The following ASPH variants were observed in gnomAD, a reference collection of about 807,000 sequenced individuals.
ASPH encodes the protein aspartate beta-hydroxylase.
ASPH carries 100 observed loss-of-function variants against 118.4 expected under a neutral mutation model. That is an observed-to-expected ratio of 0.84 (90% CI 0.72 to 1.00). The LOEUF is 1.00. Among genes scored for constraint, ASPH ranks in the 50% least tolerant of loss-of-function variants. The pLI, the probability that ASPH is intolerant of heterozygous loss-of-function variation, is 0.00. For synonymous variants in ASPH, 315 were observed against 325.6 expected, an observed-to-expected ratio of 0.97 and a Z score of 0.35; for missense variants, 920 against 919.5, an observed-to-expected ratio of 1.00 and a Z score of -0.01.
intron 14 of ASPH, among the ~76,000 whole-genome samples, chr8:61,604,689 GGTT>G (rs751688841): frequency 6.6e-6 from 1 of 152,112 alleles, no homozygotes; most frequent in African/African-American, 2.4e-5. Flanking sequence ...CACATGTTTT[GGTT>G]GTTAACAGAT....
intron 14 of ASPH, among the ~76,000 whole-genome samples, chr8:61,595,798 C>A (rs1461638780): frequency 6.6e-6 from 1 of 152,020 alleles, no homozygotes; most frequent in Non-Finnish European, 1.5e-5. Flanking sequence ...CTGGCACCTG[C>A]CATTCAGGGG....
chr8:61,526,892 G>C (rs1226218024), intron 21 of ASPH, among the ~76,000 whole-genome samples: 2 of 152,170 alleles, frequency 1.3e-5, no homozygotes, highest in Non-Finnish European at 2.9e-5. Flanking sequence ...GTGAGGATCT[G>C]AGCAGCAAAC....
chr8:61,535,782 C>T lies in ASPH; in HGVS notation c.1765-9670G>A, dbSNP rs75979325. On this transcript the variant is annotated intron_variant, in intron 21 of 24. Transcript: ENST00000379454. ...TGCCTATACTCTAAACATGATAAGA[C>T]GAGTAGCAGTGTAATCTGCCTTAGA... Among the ~76,000 whole-genome samples, 522 of 152,232 alleles carry T rather than the reference C, an allele frequency of 3.4e-3. 2 individuals carry two copies. The highest frequency in any genetic ancestry group is 6.9e-3 in the Admixed American group (105 of 15,292).
chr8:61,625,385 G>A, intron 13 of ASPH: 1 of 985,614 alleles, frequency 1.0e-6, no homozygotes, highest in Non-Finnish European at 1.2e-6. Context: ...CTCTAGTGCT[G>A]GAGGGGAATT....
intron 14 of ASPH, among the ~76,000 whole-genome samples, chr8:61,593,241 C>T (rs1191345559): frequency 4.6e-5 from 7 of 152,120 alleles, no homozygotes; most frequent in Non-Finnish European, 8.8e-5. Flanking sequence ...GAAAGAAAAG[C>T]TAATGTGTTT....
chr8:61,620,064 G>A (rs1850381738), intron 13 of ASPH, among the ~76,000 whole-genome samples: 1 of 152,206 alleles, frequency 6.6e-6, no homozygotes, highest in Non-Finnish European at 1.5e-5. Flanking sequence ...AATTTGGGGA[G>A]ATGAAAAGTA....
intron 1 of ASPH, among the ~76,000 whole-genome samples, chr8:61,690,910 AG>A (rs888640037): frequency 2.2e-4 from 34 of 152,302 alleles, no homozygotes; most frequent in African/African-American, 7.7e-4. Context: ...AATCCGTCTG[AG>A]AGTGTGTGTG....
intron 10 of ASPH, among the ~76,000 whole-genome samples, chr8:61,641,916 G>A (rs1805307813): frequency 6.6e-6 from 1 of 152,144 alleles, no homozygotes; most frequent in Non-Finnish European, 1.5e-5. Context: ...AATCATCTTT[G>A]AGGATAATGG....
chr8:61,649,854 G>C (rs1045512548), intron 5 of ASPH, among the ~76,000 whole-genome samples: 4 of 152,056 alleles, frequency 2.6e-5, no homozygotes, highest in African/African-American at 7.3e-5. Context: ...TTCCCCAATG[G>C]CTTCAGTTAC....
chr8:61,627,042 A>T (rs1052610708), intron 13 of ASPH, among the ~76,000 whole-genome samples: 1 of 152,168 alleles, frequency 6.6e-6, no homozygotes, highest in Non-Finnish European at 1.5e-5. Flanking sequence ...CTATCTACAC[A>T]TGTGCAACCA....
At chr8:61,572,390 G>C (rs2131929121) in intron 16 of ASPH, among the ~76,000 whole-genome samples, 1 of 152,316 alleles carries the variant, frequency 6.6e-6, no homozygotes, top group Middle Eastern at 3.4e-3. Context: ...TCCAGGCTCT[G>C]TGAATCCAAT....
At chr8:61,610,166 A>G (rs2133878844) in intron 14 of ASPH, among the ~76,000 whole-genome samples, 1 of 152,310 alleles carries the variant, frequency 6.6e-6, no homozygotes, top group South Asian at 2.1e-4. Context: ...GCTTTGTAAA[A>G]TGTGGAGTGC....
At chr8:61,629,247 T>C (rs1854440274) in intron 13 of ASPH, among the ~76,000 whole-genome samples, 1 of 152,218 alleles carries the variant, frequency 6.6e-6, no homozygotes, top group Non-Finnish European at 1.5e-5. Context: ...AAACTAACTT[T>C]TAAAATTCTT....
At chr8:61,540,137 T>C (rs1170734222) in intron 21 of ASPH, among the ~76,000 whole-genome samples, 2 of 152,116 alleles carry the variant, frequency 1.3e-5, no homozygotes, top group Non-Finnish European at 2.9e-5. Context: ...TTGAGTTGAA[T>C]AGCCTCTCCA....
intron 13 of ASPH, chr8:61,624,686 T>C: frequency 5.1e-6 from 5 of 985,532 alleles, no homozygotes; most frequent in Non-Finnish European, 6.0e-6. Context: ...TATTTAAAGT[T>C]AACCACAGCA....
At chr8:61,560,486 C>A (rs969297005) in intron 18 of ASPH, among the ~76,000 whole-genome samples, 2 of 151,742 alleles carry the variant, frequency 1.3e-5, no homozygotes, top group Non-Finnish European at 2.9e-5. Flanking sequence ...TTAACATAAA[C>A]ATATCAAGAA....
intron 17 of ASPH, among the ~76,000 whole-genome samples, chr8:61,563,486 T>A (rs1830654927): frequency 6.6e-6 from 1 of 152,182 alleles, no homozygotes; most frequent in Admixed American, 6.5e-5. Context: ...AAAACCCAGC[T>A]TCAATTATCT....
chr8:61,625,537 A>T (rs1487217491), intron 13 of ASPH: 1 of 985,250 alleles, frequency 1.0e-6, no homozygotes, highest in Non-Finnish European at 1.2e-6. Context: ...TTTGCATGAT[A>T]ATAGTAGGGC....
At chr8:61,581,827 C>A (rs751504366) in intron 15 of ASPH, among the ~76,000 whole-genome samples, 40 of 152,158 alleles carry the variant, frequency 2.6e-4, no homozygotes, top group Non-Finnish European at 5.3e-4. Context: ...TTCAGTATAT[C>A]ATTTCAAACC....
Sources: allele counts gnomAD v4.1 joint callset (sites outside exome capture counted in the v4.1 genomes callset), GRCh38; gene constraint gnomAD v4.1.1; transcripts MANE v1.5; gene names NCBI Gene and HGNC (gene_info 2026-07-23, HGNC 2026-07-21).